Variants in ANKRD42 observed in about 807,000 individuals in gnomAD.
ANKRD42 encodes the protein ankyrin repeat domain 42.
ANKRD42 carries 43 observed loss-of-function variants against 51.5 expected under a neutral mutation model. The observed-to-expected ratio is 0.83, with a 90% CI of 0.65 to 1.08. ANKRD42 has a LOEUF of 1.08. Ranked by LOEUF, ANKRD42 falls within the 50% of genes least tolerant of loss-of-function variation. ANKRD42 has a pLI of 0.00. For synonymous variants in ANKRD42, 203 were observed against 213.0 expected, an observed-to-expected ratio of 0.95 and a Z score of 0.41; for missense variants, 608 against 629.3, an observed-to-expected ratio of 0.97 and a Z score of 0.36.
In ANKRD42 at chr11:83,248,781, A is replaced by G; in HGVS notation, c.*577A>G. 1.0e-6 allele frequency: 1 copy of G among 976,718 alleles called. No individual in the cohort carries two copies. The highest frequency in any genetic ancestry group is 1.2e-6 in the Non-Finnish European group (1 of 821,990). The allele number at this position is 976,718 out of a possible 1,614,324, so 60.5% of individuals were successfully genotyped here. On this transcript the variant is annotated 3_prime_UTR_variant, in exon 11 of 11. Transcript: ENST00000533342. The stretch of plus-strand genomic sequence containing the variant: ...CAAGATAGATGTTCCTTCTGACACT[A>G]AGTTCCACTCTCCAGAGGAAGCTAT...
intron 2 of ANKRD42, among the ~76,000 whole-genome samples, chr11:83,200,837 C>T (rs555586): frequency 0.31 from 46,957 of 152,016 alleles, 8,061 homozygotes; most frequent in East Asian, 0.57. Flanking sequence ...GGATAAAGTT[C>T]AAGCCATTTA....
chr11:83,218,844 G>T (rs570672370), intron 5 of ANKRD42, among the ~76,000 whole-genome samples: 1 of 152,310 alleles, frequency 6.6e-6, no homozygotes, highest in South Asian at 2.1e-4. Context: ...GAAGGGCAAA[G>T]AAAGCCTGTA....
Position 83,205,946 on chromosome 11 carries a change from A to G in ANKRD42, c.223-112A>G, listed in dbSNP as rs150115694. 4.7e-4 allele frequency: 391 copies of G among 836,592 alleles called. 2 individuals carry two copies. The African/African-American group carries it at 5.6e-3, about 12-fold the overall frequency. 51.8% of individuals were successfully genotyped at this position (836,592 alleles called of 1,614,324 possible). ...GCTTGTGCTTTTGTTTTTCTTATACATGGATCTCTCATTCACTACAGTCTG... is the reference window on the plus strand; with the variant it reads ...GCTTGTGCTTTTGTTTTTCTTATACGTGGATCTCTCATTCACTACAGTCTG... On this transcript the variant is annotated intron_variant, in intron 2 of 10. Coordinates refer to ENST00000533342, the MANE Select transcript of ANKRD42 (RefSeq NM_001300975.2).
intron 1 of ANKRD42, among the ~76,000 whole-genome samples, chr11:83,195,746 T>G (rs752058528): frequency 7.2e-5 from 11 of 152,122 alleles, no homozygotes; most frequent in Non-Finnish European, 4.4e-5. Context: ...TTGTTGAATC[T>G]TTCTCCTTTT....
chr11:83,213,541 A>G (rs1862410557), intron 5 of ANKRD42: 2 of 1,271,958 alleles, frequency 1.6e-6, no homozygotes, highest in East Asian at 3.8e-5. Flanking sequence ...ATTTTCACAT[A>G]TGGTATTATT....
downstream of ANKRD42, chr11:83,261,814 G>C (rs1017862461): frequency 2.5e-6 from 2 of 788,966 alleles, no homozygotes; most frequent in Non-Finnish European, 2.1e-6. Flanking sequence ...ATAATCTTGT[G>C]TAGTAAATTT....
At chr11:83,214,418 T>G (rs995967694) in intron 5 of ANKRD42, 1 of 981,778 alleles carries the variant, frequency 1.0e-6, no homozygotes, top group Non-Finnish European at 1.2e-6. Context: ...CAAATATACT[T>G]GATCATTTTT....
At chr11:83,253,831 A>G (rs1863715725), downstream of ANKRD42, among the ~76,000 whole-genome samples, 1 of 152,214 alleles carries the variant, frequency 6.6e-6, no homozygotes, top group African/African-American at 2.4e-5. Context: ...AATGCCAAGC[A>G]CATATTTTCT....
At chr11:83,205,985 A>G (rs1862054106) in intron 2 of ANKRD42, 73 bp from the exon 3 acceptor site, 1 of 1,320,010 alleles carries the variant, frequency 7.6e-7, no homozygotes, top group Non-Finnish European at 1.1e-6. Flanking sequence ...TTTTATGATA[A>G]CAGACCAAAT....
downstream of ANKRD42, chr11:83,260,847 T>A (rs1285333814): frequency 6.6e-6 from 1 of 152,182 alleles, no homozygotes; most frequent in African/African-American, 2.4e-5. Flanking sequence ...AATACGAATT[T>A]AAATTTTCCT....
chr11:83,210,169 C>A, intron 3 of ANKRD42, 131 bp from the exon 4 acceptor site: 1 of 817,774 alleles, frequency 1.2e-6, no homozygotes, highest in Non-Finnish European at 1.8e-6. Flanking sequence ...TTGCCTGTAG[C>A]ACATATGTAA....
downstream of ANKRD42, chr11:83,257,271 G>T: frequency 2.2e-6 from 1 of 455,768 alleles, no homozygotes; most frequent in Non-Finnish European, 4.4e-6. Flanking sequence ...TGGTGAGAGG[G>T]CTCCTGCCAG....
At chr11:83,236,363 T>C (rs1478613968) in intron 7 of ANKRD42, 41 bp from the exon 8 acceptor site, 4 of 1,535,386 alleles carry the variant, frequency 2.6e-6, no homozygotes, top group Non-Finnish European at 3.5e-6. Flanking sequence ...TAACTAACTT[T>C]TTTGTGTGTA....
At chr11:83,227,692 A>G in intron 6 of ANKRD42, 55 bp from the exon 7 acceptor site, 1 of 1,547,130 alleles carries the variant, frequency 6.5e-7, no homozygotes, top group East Asian at 2.3e-5. Context: ...AGCTTAAGAC[A>G]GGGAAAAGAA....
At chr11:83,245,764 T>C in intron 10 of ANKRD42, 140 bp downstream of exon 10, 1 of 949,878 alleles carries the variant, frequency 1.1e-6, no homozygotes, top group South Asian at 2.1e-5. Context: ...AGCCCTTAGA[T>C]GACAAAGGAG....
At position 83,194,422 on chromosome 11, in the gene ANKRD42, T is replaced by G. The variant is rs2135465855; in HGVS notation, c.-249T>G. 1 of 687,196 alleles carries G rather than the reference T, an allele frequency of 1.5e-6. No homozygotes were observed. Among genetic ancestry groups the G allele is most frequent in the Non-Finnish European group, 2.7e-6 (1 of 375,324 alleles). The allele number at this position is 687,196 out of a possible 1,614,324, so 42.6% of individuals were successfully genotyped here. On this transcript the variant is annotated 5_prime_UTR_variant, in exon 1 of 11. Coordinates refer to ENST00000533342, the MANE Select transcript of ANKRD42 (RefSeq NM_001300975.2). ...AGACCGCGGCTACGCAGCCAGCGACTCCTCTGGTGTGAGCGGCAGTGAAGA... is the reference window on the plus strand; with the variant it reads ...AGACCGCGGCTACGCAGCCAGCGACGCCTCTGGTGTGAGCGGCAGTGAAGA...
chr11:83,259,017 C>T (rs1421213676), downstream of ANKRD42: 2 of 152,108 alleles, frequency 1.3e-5, no homozygotes, highest in East Asian at 1.9e-4. Flanking sequence ...TACGCTCACT[C>T]AGTATGAATG....
chr11:83,204,771 G>A (rs920775395), intron 2 of ANKRD42, among the ~76,000 whole-genome samples: 7 of 151,972 alleles, frequency 4.6e-5, no homozygotes, highest in Non-Finnish European at 7.4e-5. Flanking sequence ...TGCAAATCAC[G>A]TACCTAAGAA....
intron 8 of ANKRD42, among the ~76,000 whole-genome samples, chr11:83,238,125 C>T (rs1186013359): frequency 1.3e-5 from 2 of 152,126 alleles, no homozygotes; most frequent in African/African-American, 4.8e-5. Flanking sequence ...GGTTGAAGGA[C>T]ATCTTGATTG....
Sources: gnomAD v4.1 joint callset for allele counts (sites outside exome capture counted in the v4.1 genomes callset) on GRCh38, gnomAD v4.1.1 for gene constraint, MANE v1.5 for transcripts, NCBI Gene and HGNC (gene_info 2026-07-23, HGNC 2026-07-21) for gene names.